ARHGAP21: variants seen among roughly 807,000 people sequenced by gnomAD.
The protein encoded by ARHGAP21 is Rho GTPase activating protein 21, also known as rho GTPase-activating protein 21.
ARHGAP21 carries 38 observed loss-of-function variants against 164.6 expected under a neutral mutation model. The observed-to-expected ratio is 0.23, with a 90% CI of 0.18 to 0.30. ARHGAP21 has a LOEUF of 0.30. Ranked by LOEUF, ARHGAP21 falls within the 10% of genes least tolerant of loss-of-function variation. ARHGAP21 has a pLI of 1.00. For synonymous variants in ARHGAP21, 766 were observed against 857.9 expected (o/e 0.89, Z 1.87); for missense variants, 1,822 against 2,370.7 (o/e 0.77, Z 4.81).
At chr10:24,639,771 T>C (rs552063144) in intron 4 of ARHGAP21, among the ~76,000 whole-genome samples, 3 of 152,316 alleles carry the variant, frequency 2.0e-5, no homozygotes, top group South Asian at 2.1e-4. Flanking sequence ...GCTACATCTA[T>C]AGGCCTGGGG....
At chr10:24,680,661 T>C (rs865906845) in intron 2 of ARHGAP21, among the ~76,000 whole-genome samples, 1 of 152,172 alleles carries the variant, frequency 6.6e-6, no homozygotes, top group South Asian at 2.1e-4. Context: ...GTTACATTTC[T>C]ATGGGCCTTC....
Position 24,591,967 on chromosome 10 carries a change from G to T in ARHGAP21, c.3922C>A (p.Arg1308=). 1 of 1,613,522 alleles carries T rather than the reference G, an allele frequency of 6.2e-7. No individual in the cohort carries two copies. The part of the protein sequence containing the change: ...LAIVFGPTLV[R]TSEDNMTHMV... ...TGGGTCATGTTGTCTTCTGATGTTC[G>T]AACAAGGGTGGGACCAAACACTATT... The change falls in exon 22 of 26, where the codon CGA becomes AGA. Residue 1308 remains arginine, a synonymous_variant. Coordinates refer to ENST00000396432, the MANE Select transcript of ARHGAP21 (RefSeq NM_020824.4).
At chr10:24,697,036 G>A (rs1046004148) in intron 2 of ARHGAP21, among the ~76,000 whole-genome samples, 24 of 152,188 alleles carry the variant, frequency 1.6e-4, no homozygotes, top group African/African-American at 5.3e-4. Flanking sequence ...TCAATGAAAC[G>A]TAGGAATGAG....
chr10:24,661,748 A>T (rs1365689385), intron 4 of ARHGAP21, among the ~76,000 whole-genome samples: 1 of 152,258 alleles, frequency 6.6e-6, no homozygotes, highest in Non-Finnish European at 1.5e-5. Context: ...TAAAAATCAT[A>T]ACATTCTGTT....
At chr10:24,654,259 G>A (rs1838544257) in intron 4 of ARHGAP21, among the ~76,000 whole-genome samples, 2 of 152,184 alleles carry the variant, frequency 1.3e-5, no homozygotes, top group Non-Finnish European at 2.9e-5. Flanking sequence ...TCAACATAGT[G>A]TTGGACGTTC....
chr10:24,669,794 CATCATA>C, intron 3 of ARHGAP21, among the ~76,000 whole-genome samples: 1 of 152,280 alleles, frequency 6.6e-6, no homozygotes, highest in East Asian at 1.9e-4. Context: ...TCTAACATGC[CATCATA>C]TTACATATCT....
chr10:24,697,168 T>C (rs1050941977), intron 2 of ARHGAP21, among the ~76,000 whole-genome samples: 1 of 152,028 alleles, frequency 6.6e-6, no homozygotes, highest in African/African-American at 2.4e-5. Flanking sequence ...GTGAAAGTGA[T>C]GACCCAGATG....
At chr10:24,636,792 C>T (rs977740112) in intron 4 of ARHGAP21, among the ~76,000 whole-genome samples, 10 of 152,184 alleles carry the variant, frequency 6.6e-5, no homozygotes, top group African/African-American at 2.2e-4. Flanking sequence ...GAGTAGACAT[C>T]GGTCCAAAAC....
Position 24,602,005 on chromosome 10 carries a change from G to T in ARHGAP21, c.2820C>A (p.Phe940Leu). Residue 940 changes from phenylalanine to leucine, a missense_variant, in exon 13 of 26, where the codon TTC becomes TTA. Physicochemically the swap from Phe to Leu is conservative, Grantham distance 22. This residue lies in a region of ARHGAP21 where 1,090 missense variants were observed against 1,378.9 expected (regional missense o/e 0.79). Transcript: ENST00000396432. ...TGCCCTTATCGGTGACAAGGGGTCG[G>T]AAATGAAGCCACCCTTCCTTGGCAG... Reference protein sequence around the residue: ...SDAAKEGWLHFRPLVTDKGKR... With the variant: ...SDAAKEGWLHLRPLVTDKGKR... The T allele has an allele frequency of 3.1e-6, 5 of 1,611,776 alleles. No individual in the cohort carries two copies. The highest frequency in any genetic ancestry group is 4.2e-6 in the Non-Finnish European group (5 of 1,179,790).
rs768975644 is a variant in ARHGAP21, at chr10:24,619,984, T to C, written c.1911A>G (p.Ser637=). Residue 637 remains serine (S), a synonymous_variant, in exon 9 of 26, where the codon TCA becomes TCG. Transcript: ENST00000396432. ...KAPSTHVTKP[S]FSQKSFVSIK... is the part of the protein sequence containing the mutation. ...TAGAAACAAATGATTTCTGGCTAAA[T>C]GATGGTTTTGTGACATGCGTGGAAG... The C allele has an allele frequency of 1.9e-6, 3 of 1,613,890 alleles. No homozygotes were observed. In the African/African-American group the frequency reaches 4.0e-5, roughly 22 times the overall value.
intron 9 of ARHGAP21, among the ~76,000 whole-genome samples, chr10:24,612,947 A>G (rs941118607): frequency 6.6e-6 from 1 of 152,202 alleles, no homozygotes; most frequent in Non-Finnish European, 1.5e-5. Context: ...AATTTAAATC[A>G]AAGGAGGTGA....
In ARHGAP21 at chr10:24,626,774, A is replaced by T. The variant is rs527378548; in HGVS notation, c.495+3222T>A. On this transcript the variant is annotated intron_variant, in intron 7 of 25. Coordinates refer to ENST00000396432, the MANE Select transcript of ARHGAP21 (RefSeq NM_020824.4). ...CAATAAAAAACCTTTTTATTTTGCA[A>T]TAAACACGAACCTGTCTAAGATACC... Among the ~76,000 whole-genome samples the T allele has an allele frequency of 3.3e-4, 51 of 152,302 alleles. No individual in the cohort carries two copies. In the South Asian group the frequency reaches 1.0e-2, roughly 30 times the overall value.
intron 24 of ARHGAP21, chr10:24,590,175 C>T: frequency 7.1e-7 from 1 of 1,410,346 alleles, no homozygotes; most frequent in Non-Finnish European, 9.2e-7. Context: ...TGGCTAAATG[C>T]TTTATGACTT....
rs777553567 is a variant in ARHGAP21, at chr10:24,604,359, A to G, written c.2685-11T>C. 14 of 1,577,006 alleles carry G rather than the reference A, an allele frequency of 8.9e-6. No homozygotes were observed. The South Asian group carries it at 1.7e-4, about 19-fold the overall frequency. On this transcript the variant is annotated splice_polypyrimidine_tract_variant and intron_variant, in intron 11 of 25. Transcript: ENST00000396432. The stretch of plus-strand genomic sequence containing the variant: ...ACGTGCTTAAAGGACCTGTTGGGGA[A>G]AAAATATATAAATATTTTCAATTAG...
At chr10:24,622,627 G>A in intron 8 of ARHGAP21, 106 bp downstream of exon 8, 2 of 1,172,482 alleles carry the variant, frequency 1.7e-6, no homozygotes, top group Non-Finnish European at 2.4e-6. Context: ...CACGATAGAG[G>A]GATTTCTCTA....
chr10:24,706,257 C>T (rs1246559085), intron 2 of ARHGAP21, among the ~76,000 whole-genome samples: 1 of 152,122 alleles, frequency 6.6e-6, no homozygotes, highest in African/African-American at 2.4e-5. Flanking sequence ...CTAACTTCCC[C>T]TCCTCCACCA....
At chr10:24,715,422 C>T (rs1347601538) in intron 2 of ARHGAP21, among the ~76,000 whole-genome samples, 1 of 152,060 alleles carries the variant, frequency 6.6e-6, no homozygotes, top group African/African-American at 2.4e-5. Context: ...AAACATCATC[C>T]ATACAGATTA....
At position 24,607,486 on chromosome 10, in the gene ARHGAP21, A is replaced by C. The variant is rs1213271964; in HGVS notation, c.2684+13T>G. Reference sequence around the variant, plus strand: ...CACATACAAATATTTAAAATAATACACCCGAGACTTACAATTTTGCATCTT... The same window carrying C: ...CACATACAAATATTTAAAATAATACCCCCGAGACTTACAATTTTGCATCTT... On this transcript the variant is annotated intron_variant, in intron 11 of 25. Transcript: ENST00000396432. 6.2e-7 allele frequency: 1 copy of C among 1,605,208 alleles called. No homozygotes were observed. Among genetic ancestry groups the C allele is most frequent in the Non-Finnish European group, 8.5e-7 (1 of 1,173,640 alleles).
rs190244439 is a variant in ARHGAP21 at position 24,617,388 on chromosome 10, A to T, written c.2422+2085T>A. 2.7e-4 allele frequency among the ~76,000 whole-genome samples: 41 copies of T among 152,334 alleles called. 1 individual carries two copies. Among genetic ancestry groups the T allele is most frequent in the South Asian group, 2.1e-4 (1 of 4,826 alleles). On this transcript the variant is annotated intron_variant, in intron 9 of 25. Coordinates refer to ENST00000396432, the MANE Select transcript of ARHGAP21 (RefSeq NM_020824.4). ...ATAAGATCGCATGGGCCTGTGAAAC[A>T]GCCACAGGTTGTAAGATTTTTTTAC...
Sources: allele counts gnomAD v4.1 joint callset (sites outside exome capture counted in the v4.1 genomes callset), GRCh38; gene constraint gnomAD v4.1.1; regional missense constraint gnomAD v4.1.1; transcripts MANE v1.5; gene names NCBI Gene and HGNC (gene_info 2026-07-23, HGNC 2026-07-21).